RGPD1: variants seen among roughly 807,000 people sequenced by gnomAD.
RGPD1 encodes the protein RANBP2 like and GRIP domain containing 1.
A neutral mutation model predicts 40.6 loss-of-function variants in RGPD1; 7 were observed. The observed-to-expected ratio is 0.17, with a 90% confidence interval of 0.10 to 0.32. RGPD1 has a LOEUF of 0.32. RGPD1 is among the 10% of genes least tolerant of loss of function. The pLI, the probability that RGPD1 is intolerant of heterozygous loss-of-function variation, is 1.00. For missense variants in RGPD1, 50 were observed against 472.5 expected (o/e 0.11, Z 8.29); for synonymous variants, 24 against 167.0 (o/e 0.14, Z 6.60).
At chr2:86,954,714 G>A (rs937860029) in intron 4 of RGPD1, among the ~76,000 whole-genome samples, 12 of 147,204 alleles carry the variant, frequency 8.2e-5, no homozygotes, top group African/African-American at 1.7e-4. Flanking sequence ...TGTTTAACCC[G>A]ACCAAAGCAC....
At chr2:86,925,946 C>G (rs1272919330) in intron 1 of RGPD1, among the ~76,000 whole-genome samples, 1 of 152,156 alleles carries the variant, frequency 6.6e-6, no homozygotes, top group South Asian at 2.1e-4. Flanking sequence ...ATTTAGTGTA[C>G]TTTCCTTTAA....
chr2:86,944,256 T>C (rs1470092709), intron 1 of RGPD1, among the ~76,000 whole-genome samples: 2 of 152,186 alleles, frequency 1.3e-5, no homozygotes, highest in East Asian at 3.8e-4. Flanking sequence ...AGTTACAGTC[T>C]ATTCCTCCAG....
chr2:86,949,272 A>G (rs1680478364), intron 1 of RGPD1, among the ~76,000 whole-genome samples: 1 of 152,312 alleles, frequency 6.6e-6, no homozygotes. Flanking sequence ...TTGTTGGAGT[A>G]TTGCAGTGCT....
rs747188368 is a variant in RGPD1 at position 87,008,964 on chromosome 2, CA to C, written c.5237-3545del. Among the ~76,000 whole-genome samples, 102 of 145,048 alleles carry C rather than the reference CA, an allele frequency of 7.0e-4. 1 individual carries two copies. The highest frequency in any genetic ancestry group is 3.5e-3 in the Middle Eastern group (1 of 284). On this transcript the variant is annotated intron_variant, in intron 22 of 22. Coordinates refer to ENST00000641458, the MANE Select transcript of RGPD1 (RefSeq NM_001382344.1). ...AGAGTCAAGAACTGTGAGACAATTA[CA>C]AAAGGTGGAACATGGAGACTTTTTG...
upstream of RGPD1, among the ~76,000 whole-genome samples, chr2:86,941,691 G>A (rs562772392): frequency 6.6e-6 from 1 of 150,752 alleles, no homozygotes; most frequent in South Asian, 2.1e-4. Flanking sequence ...CCACCCGCAG[G>A]ACTGACTGCG....
chr2:86,944,375 T>C (rs1253464358), intron 1 of RGPD1, among the ~76,000 whole-genome samples: 1 of 152,086 alleles, frequency 6.6e-6, no homozygotes, highest in African/African-American at 2.4e-5. Flanking sequence ...AGGGTTCCTG[T>C]AACTCCTGAA....
At chr2:87,000,172 C>G (rs1348342817) in intron 22 of RGPD1, among the ~76,000 whole-genome samples, 1 of 126,128 alleles carries the variant, frequency 7.9e-6, no homozygotes, top group Admixed American at 7.4e-5. Flanking sequence ...AAAAACAAGA[C>G]AGAAATCTCA....
chr2:86,929,601 AG>A (rs1386374690), intron 1 of RGPD1, among the ~76,000 whole-genome samples: 1 of 144,946 alleles, frequency 6.9e-6, no homozygotes, highest in African/African-American at 2.6e-5. Flanking sequence ...TCTACAGATG[AG>A]GAAACAGACA....
rs1681082494 is a variant in RGPD1 at position 86,964,200 on chromosome 2, G to T, written c.975+976G>T. On this transcript the variant is annotated intron_variant, in intron 7 of 22. Transcript: ENST00000641458. ...TGGAACTACAAGCGCCCACCACCAT[G>T]CCTGGCTAATTTTTTTGTATTTTTA... 1.9e-5 allele frequency among the ~76,000 whole-genome samples: 2 copies of T among 107,230 alleles called. 1 individual carries two copies. Among genetic ancestry groups the T allele is most frequent in the South Asian group, 6.1e-4 (2 of 3,296 alleles). The allele number at this position is 107,230 out of a possible 152,430, so 70.3% of individuals were successfully genotyped here. A position where few individuals can be genotyped will look rare whatever the true frequency, so the allele number is the denominator to read the frequency against.
At chr2:86,960,326 G>A (rs1680886785) in intron 6 of RGPD1, among the ~76,000 whole-genome samples, 1 of 55,528 alleles carries the variant, frequency 1.8e-5, no homozygotes, top group Admixed American at 1.5e-4. Flanking sequence ...CCAGGTTCAC[G>A]CCATTCTTCT....
Position 86,962,507 on chromosome 2 carries a change from CAAAAAAAAA to C in RGPD1, c.780-504_780-496del, listed in dbSNP as rs61486857. Among the ~76,000 whole-genome samples the C allele has an allele frequency of 7.0e-4, 21 of 29,908 alleles. 1 individual carries two copies. The highest frequency in any genetic ancestry group is 9.5e-4 in the Non-Finnish European group (17 of 17,850). The allele number at this position is 29,908 out of a possible 152,430, so 19.6% of individuals were successfully genotyped here. A position where few individuals can be genotyped will look rare whatever the true frequency, so the allele number is the denominator to read the frequency against. On this transcript the variant is annotated intron_variant, in intron 6 of 22. Coordinates refer to ENST00000641458, the MANE Select transcript of RGPD1 (RefSeq NM_001382344.1). ...CAGGCGATAGTGAGAGACTCTGTCT[CAAAAAAAAA>C]AAAAAAAAAAAAAAAAAGACAATTT...
At chr2:86,920,282 C>G (rs907551706) in intron 1 of RGPD1, among the ~76,000 whole-genome samples, 1 of 151,486 alleles carries the variant, frequency 6.6e-6, no homozygotes, top group African/African-American at 2.4e-5. Context: ...GTGGGCTATG[C>G]TGGTTTCAAA....
chr2:86,920,086 T>C (rs1245880311), intron 1 of RGPD1, among the ~76,000 whole-genome samples: 1 of 152,066 alleles, frequency 6.6e-6, no homozygotes, highest in Non-Finnish European at 1.5e-5. Context: ...CTTTCCTTTT[T>C]TAAGACGGGG....
chr2:86,946,006 ACT>A (rs1436086304), intron 1 of RGPD1, among the ~76,000 whole-genome samples: 1 of 108,934 alleles, frequency 9.2e-6, no homozygotes, highest in Admixed American at 9.8e-5. Flanking sequence ...TACTTCTCAA[ACT>A]CTACTTGACA....
upstream of RGPD1, among the ~76,000 whole-genome samples, chr2:86,939,590 A>G (rs1338152348): frequency 2.2e-5 from 3 of 135,770 alleles, no homozygotes; most frequent in Non-Finnish European, 3.1e-5. Context: ...AAAAAAAAAA[A>G]AAAGAAAGAA....
intron 1 of RGPD1, among the ~76,000 whole-genome samples, chr2:86,928,753 T>C (rs938513520): frequency 6.6e-6 from 1 of 152,210 alleles, no homozygotes; most frequent in African/African-American, 2.4e-5. Flanking sequence ...ATTCATGAGG[T>C]ATTTCTTAGC....
At chr2:87,009,019 A>G (rs1432793261) in intron 22 of RGPD1, among the ~76,000 whole-genome samples, 2 of 150,140 alleles carry the variant, frequency 1.3e-5, no homozygotes, top group Non-Finnish European at 3.0e-5. Context: ...GAAAAAGAGA[A>G]AGAAAGCCAG....
At chr2:86,944,228 C>T (rs1254729395) in intron 1 of RGPD1, among the ~76,000 whole-genome samples, 1 of 152,044 alleles carries the variant, frequency 6.6e-6, no homozygotes, top group Non-Finnish European at 1.5e-5. Context: ...TTTAGTTTCT[C>T]TTGGGAACAG....
intron 1 of RGPD1, among the ~76,000 whole-genome samples, chr2:86,925,561 C>T (rs1678422996): frequency 6.6e-6 from 1 of 152,178 alleles, no homozygotes; most frequent in Admixed American, 6.5e-5. Context: ...AGCCACTGTG[C>T]CCAGCCAAGG....
Sources: gnomAD v4.1 joint callset for allele counts (sites outside exome capture counted in the v4.1 genomes callset) on GRCh38, gnomAD v4.1.1 for gene constraint, MANE v1.5 for transcripts, NCBI Gene and HGNC (gene_info 2026-07-23, HGNC 2026-07-21) for gene names.